The following UGT1A5 variants were observed in gnomAD, a reference collection of about 807,000 sequenced individuals.
UGT1A5 encodes UDP glucuronosyltransferase family 1 member A5.
A neutral mutation model predicts 40.3 loss-of-function variants in UGT1A5; 29 were observed. The observed-to-expected ratio is 0.72, with a 90% CI of 0.54 to 0.98. The LOEUF is 0.98. UGT1A5 is among the 50% of genes least tolerant of loss of function. UGT1A5 has a pLI of 0.00. For synonymous variants in UGT1A5, 257 were observed against 262.5 expected, an observed-to-expected ratio of 0.98 and a Z score of 0.20; for missense variants, 678 against 677.9, an observed-to-expected ratio of 1.00 and a Z score of 0.00.
At chr2:233,724,328 G>T (rs1446487590) in intron 1 of UGT1A5, among the ~76,000 whole-genome samples, 9 of 147,968 alleles carry the variant, frequency 6.1e-5, no homozygotes, top group South Asian at 2.3e-4. Context: ...CGGCTGGCCA[G>T]GCGGGGGGCT....
At chr2:233,719,379 T>C in intron 1 of UGT1A5, 1 of 1,613,988 alleles carries the variant, frequency 6.2e-7, no homozygotes, top group Non-Finnish European at 8.5e-7. Context: ...GGGCACACAG[T>C]GTCCAAATCC....
intron 1 of UGT1A5, chr2:233,719,328 G>C: frequency 2.5e-6 from 4 of 1,613,970 alleles, no homozygotes; most frequent in Non-Finnish European, 3.4e-6. Context: ...GATTCCTGCT[G>C]TGTTTTTTTG....
intron 1 of UGT1A5, chr2:233,760,416 G>A (rs1575772039): frequency 6.2e-7 from 1 of 1,614,218 alleles, no homozygotes; most frequent in East Asian, 2.2e-5. Flanking sequence ...GGCTGAGCAT[G>A]CTTGGGGCCA....
In UGT1A5 at chr2:233,722,182, C is replaced by T. The variant is rs530414552; in HGVS notation, c.867+8324C>T. On this transcript the variant is annotated intron_variant, in intron 1 of 4. Transcript: ENST00000373414. ...GTCACCTGGAGACCTTTGCCATGTT[C>T]GTGCCAATTTACTGAGTGCATGAAA... The T allele has an allele frequency of 1.0e-4, 16 of 156,916 alleles. No homozygotes were observed. The Middle Eastern group carries it at 8.9e-3, about 87-fold the overall frequency. 9.7% of individuals were successfully genotyped at this position (156,916 alleles called of 1,614,324 possible).
At position 233,713,508 on chromosome 2, in the gene UGT1A5, T is replaced by C; in HGVS notation, c.517T>C (p.Leu173=). 2 of 1,613,988 alleles carry C rather than the reference T, an allele frequency of 1.2e-6. No homozygotes were observed. The highest frequency in any genetic ancestry group is 2.2e-5 in the South Asian group (2 of 91,068). Residue 173 remains leucine (L), a synonymous_variant, in exon 1 of 5, where the codon TTG becomes CTG. Transcript: ENST00000373414. The part of the protein sequence containing the change: ...KYLSIPAVFF[L]RNIPCDLDFK... ...CCTGTCGATTCCTGCTGTGTTTTTC[T>C]TGAGGAACATTCCATGTGATTTAGA...
At chr2:233,718,069 G>T in intron 1 of UGT1A5, 1 of 347,944 alleles carries the variant, frequency 2.9e-6, no homozygotes, top group South Asian at 2.3e-5. Flanking sequence ...GTGGGTCCTT[G>T]CTAGGGTTGT....
chr2:233,728,370 T>C (rs2077707382), intron 1 of UGT1A5, among the ~76,000 whole-genome samples: 1 of 152,190 alleles, frequency 6.6e-6, no homozygotes. Flanking sequence ...GAACCCACCA[T>C]GGGTCTTTGC....
chr2:233,739,782 C>T (rs1351387026), intron 1 of UGT1A5, among the ~76,000 whole-genome samples: 1 of 152,030 alleles, frequency 6.6e-6, no homozygotes, highest in Non-Finnish European at 1.5e-5. Context: ...TGAGTTAAGA[C>T]TTTGGAGGAC....
At chr2:233,729,642 T>A in intron 1 of UGT1A5, 2 of 1,613,942 alleles carry the variant, frequency 1.2e-6, no homozygotes, top group Non-Finnish European at 1.7e-6. Context: ...CTGTGTTTTT[T>A]TTGAGGAACA....
intron 1 of UGT1A5, chr2:233,743,989 C>T: frequency 7.9e-7 from 1 of 1,273,692 alleles, no homozygotes; most frequent in South Asian, 1.3e-5. Context: ...AGGCGCAGGC[C>T]CGAGTGCTCG....
intron 1 of UGT1A5, among the ~76,000 whole-genome samples, chr2:233,756,629 A>G (rs1696275606): frequency 6.6e-6 from 1 of 152,204 alleles, no homozygotes; most frequent in South Asian, 2.1e-4. Flanking sequence ...GGCCGTGTGT[A>G]TAGCACTGGG....
At chr2:233,756,805 G>A (rs1176135462) in intron 1 of UGT1A5, among the ~76,000 whole-genome samples, 2 of 151,978 alleles carry the variant, frequency 1.3e-5, no homozygotes, top group South Asian at 2.1e-4. Context: ...CACTAGTAAA[G>A]GTCACTCAAT....
rs760444509 is a variant in UGT1A5 at position 233,769,505 on chromosome 2, C to G, written c.1307+1066C>G. The G allele has an allele frequency of 8.7e-6, 14 of 1,612,652 alleles. No individual in the cohort carries two copies. In the Admixed American group the frequency reaches 2.3e-4, roughly 27 times the overall value. ...CGTGTGTTTATGAGAGTGTCCATTG[C>G]TTTCTCCCATGGTTACCTCCTTTAG... On this transcript the variant is annotated intron_variant, in intron 4 of 4. Transcript: ENST00000373414. This position sits in a 1 kb window ranked among gnomAD's most constrained non-coding sequence, Gnocchi z 4.4.
intron 1 of UGT1A5, among the ~76,000 whole-genome samples, chr2:233,733,033 T>G (rs202002745): frequency 2.0e-5 from 3 of 152,098 alleles, no homozygotes; most frequent in Non-Finnish European, 4.4e-5. Context: ...CACATCCCTT[T>G]TAAGTTGGAT....
intron 1 of UGT1A5, among the ~76,000 whole-genome samples, chr2:233,731,794 A>G (rs1329897659): frequency 6.6e-6 from 1 of 152,192 alleles, no homozygotes; most frequent in African/African-American, 2.4e-5. Context: ...GTTTGGGTAT[A>G]TACCCAGTAA....
intron 1 of UGT1A5, among the ~76,000 whole-genome samples, chr2:233,757,676 T>A (rs986940319): frequency 2.0e-5 from 3 of 151,088 alleles, no homozygotes; most frequent in African/African-American, 7.3e-5. Flanking sequence ...ATTCAAGGAA[T>A]TCAAGGGATT....
At chr2:233,743,686 G>A (rs1347222099) in intron 1 of UGT1A5, 2 of 1,367,248 alleles carry the variant, frequency 1.5e-6, no homozygotes, top group Admixed American at 3.8e-5. Flanking sequence ...TGCCGCCTGT[G>A]CAGCCGCCCT....
intron 1 of UGT1A5, chr2:233,747,384 G>T: frequency 6.2e-7 from 1 of 1,605,378 alleles, no homozygotes; most frequent in Non-Finnish European, 8.5e-7. Flanking sequence ...AGGCCACCAG[G>T]CGGTGGTCCT....
At chr2:233,772,010 G>A (rs538941446) in intron 4 of UGT1A5, among the ~76,000 whole-genome samples, 1 of 152,306 alleles carries the variant, frequency 6.6e-6, no homozygotes, top group Admixed American at 6.5e-5. Flanking sequence ...CTACTCTGGA[G>A]GCTGAGGCAG....
Sources: allele counts gnomAD v4.1 joint callset (sites outside exome capture counted in the v4.1 genomes callset), GRCh38; gene constraint gnomAD v4.1.1; non-coding constraint Gnocchi (gnomAD v3.1); transcripts MANE v1.5; gene names NCBI Gene and HGNC (gene_info 2026-07-23, HGNC 2026-07-21).